Variants in UBE2V1 observed in about 807,000 individuals in gnomAD.
UBE2V1 encodes ubiquitin-conjugating enzyme E2 variant 1.
Under a neutral mutation model 19.6 loss-of-function variants are expected in UBE2V1, and 15 were observed. That is an observed-to-expected ratio of 0.77 (90% CI 0.51 to 1.18). The LOEUF (loss-of-function observed/expected upper bound fraction) is 1.18, where lower values mean the gene tolerates loss of function less well. Ranked by LOEUF, UBE2V1 falls within the 50% of genes most tolerant of loss-of-function variation. UBE2V1 has a pLI of 0.00. For missense variants in UBE2V1, 125 were observed against 184.8 expected, an observed-to-expected ratio of 0.68 and a Z score of 1.88; for synonymous variants, 60 against 60.7, an observed-to-expected ratio of 0.99 and a Z score of 0.05.
chr20:50,111,358 G>T, intron 1 of UBE2V1: 1 of 999,078 alleles, frequency 1.0e-6, no homozygotes. Context: ...GTAGCCAACC[G>T]AGTGACTGCA....
chr20:50,109,010 T>A (rs543821812), intron 1 of UBE2V1: 1 of 985,170 alleles, frequency 1.0e-6, no homozygotes. Context: ...GGAACAGGAG[T>A]TAAAAATGCC....
chr20:50,109,036 G>A, intron 1 of UBE2V1: 1 of 985,422 alleles, frequency 1.0e-6, no homozygotes, highest in African/African-American at 1.7e-5. Flanking sequence ...TCTAGTCCGA[G>A]CATCACCAGT....
upstream of UBE2V1, chr20:50,115,416 C>A (rs2080981569): frequency 1.4e-6 from 2 of 1,419,422 alleles, no homozygotes; most frequent in South Asian, 1.6e-5. Context: ...AAATACTTGC[C>A]CTGGACTTGG....
chr20:50,115,471 T>C (rs2080982920), upstream of UBE2V1: 2 of 1,556,822 alleles, frequency 1.3e-6, no homozygotes, highest in East Asian at 2.3e-5. Flanking sequence ...TTTGGGTTCC[T>C]AAGGTGGACT....
chr20:50,100,285 TAAA>T (rs34807999), intron 1 of UBE2V1, among the ~76,000 whole-genome samples: 13 of 122,152 alleles, frequency 1.1e-4, no homozygotes, highest in African/African-American at 1.5e-4. Context: ...TGTCTCTATT[TAAA>T]AAAAAAAAAA....
upstream of UBE2V1, chr20:50,115,470 C>T: frequency 6.4e-7 from 1 of 1,555,004 alleles, no homozygotes; most frequent in Non-Finnish European, 8.8e-7. Context: ...ATTTGGGTTC[C>T]TAAGGTGGAC....
intron 1 of UBE2V1, among the ~76,000 whole-genome samples, chr20:50,098,334 G>C (rs2079768241): frequency 1.3e-5 from 2 of 152,180 alleles, no homozygotes; most frequent in Admixed American, 1.3e-4. Flanking sequence ...GGAGATTAAG[G>C]ATGCCAACTG....
rs753058104 is a variant in UBE2V1 at position 50,084,180 on chromosome 20, T to C, written c.246A>G (p.Val82=). 5.6e-6 allele frequency: 9 copies of C among 1,609,028 alleles called. No homozygotes were observed. Among genetic ancestry groups the C allele is most frequent in the Admixed American group, 1.7e-5 (1 of 58,500 alleles). The change falls in exon 3 of 4, where the codon GTA becomes GTG. Residue 82 remains valine, a synonymous_variant. Coordinates refer to ENST00000371674, the MANE Select transcript of UBE2V1 (RefSeq NM_001032288.3). The part of the protein sequence containing the change: ...GPKYPEAPPF[V]RFVTKINMNG... Reference sequence around the variant, plus strand: ...TCATATTAATTTTTGTTACAAATCTTACAAAGGGGGGTGCTTCTGGGTATT... The same window carrying C: ...TCATATTAATTTTTGTTACAAATCTCACAAAGGGGGGTGCTTCTGGGTATT...
intron 1 of UBE2V1, among the ~76,000 whole-genome samples, chr20:50,104,161 A>G (rs1352579659): frequency 6.7e-6 from 1 of 149,532 alleles, no homozygotes; most frequent in African/African-American, 2.5e-5. Context: ...GCGCGCCTGT[A>G]ATCCCAGCTA....
chr20:50,084,105 A>G, intron 3 of UBE2V1, 24 bp downstream of exon 3: 1 of 1,553,908 alleles, frequency 6.4e-7, no homozygotes, highest in Non-Finnish European at 8.7e-7. Context: ...CCAAGGAACA[A>G]GTGGGACAGA....
Position 50,113,109 on chromosome 20 carries a change from G to C in UBE2V1, c.20C>G (p.Ser7Trp), listed in dbSNP as rs1427484612. ...CCGGGCCCGGCGCCCCCGCTCACCC[G>C]AGCCCGTGGTGGCTGCCATCTTGCG... MAATTG[S>W]GVKVPRNFRL... The change falls in exon 1 of 4, where the codon TCG becomes TGG. Residue 7 changes from serine to tryptophan, a missense_variant and splice_region_variant. Physicochemically the swap from Ser to Trp is radical, Grantham distance 177. Transcript: ENST00000371674. 9 of 1,333,700 alleles carry C rather than the reference G, an allele frequency of 6.7e-6. No individual in the cohort carries two copies. The highest frequency in any genetic ancestry group is 8.8e-6 in the Non-Finnish European group (9 of 1,023,136). The allele number at this position is 1,333,700 out of a possible 1,614,324, so 82.6% of individuals were successfully genotyped here.
chr20:50,085,255 C>T (rs1568968972), intron 2 of UBE2V1, among the ~76,000 whole-genome samples: 1 of 152,124 alleles, frequency 6.6e-6, no homozygotes, highest in Admixed American at 6.5e-5. Flanking sequence ...GTCCAACCCC[C>T]TATGCCAATA....
intron 1 of UBE2V1, among the ~76,000 whole-genome samples, chr20:50,106,874 C>CA (rs57532245): frequency 0.075 from 9,289 of 124,564 alleles, 650 homozygotes; most frequent in African/African-American, 0.19. Context: ...ACAACAACAA[C>CA]AAAAAAAAAA....
intron 2 of UBE2V1, among the ~76,000 whole-genome samples, chr20:50,086,312 C>A (rs1235786215): frequency 2.0e-5 from 3 of 152,174 alleles, no homozygotes; most frequent in African/African-American, 7.2e-5. Context: ...ATGCATCAGA[C>A]ACCCTCACTA....
rs2078684244 is a variant in UBE2V1, at chr20:50,082,468, GC to G, written c.*299del. 3.0e-6 allele frequency: 1 copy of G among 328,214 alleles called. No homozygotes were observed. The highest frequency in any genetic ancestry group is 5.6e-6 in the Non-Finnish European group (1 of 179,366). 20.3% of individuals were successfully genotyped at this position (328,214 alleles called of 1,614,324 possible). On this transcript the variant is annotated 3_prime_UTR_variant, in exon 4 of 4. Coordinates refer to ENST00000371674, the MANE Select transcript of UBE2V1 (RefSeq NM_001032288.3). ...GTCTTTTCACAGTTGAGTTAGATGTGCCCCACCAGTTATGATGGGAATCAAT... is the reference window on the plus strand; with the variant it reads ...GTCTTTTCACAGTTGAGTTAGATGTGCCCACCAGTTATGATGGGAATCAAT...
chr20:50,091,409 G>GTTTT lies in UBE2V1; in HGVS notation c.171+5262_171+5263insAAAA, dbSNP rs1568981475. On this transcript the variant is annotated intron_variant, in intron 2 of 3. Transcript: ENST00000371674. ...TCATTAATCAGTCATATAACTTAAGGCTTTTTTTTTTTTTTTTTTGAGATG... is the reference window on the plus strand; with the variant it reads ...TCATTAATCAGTCATATAACTTAAGGTTTTCTTTTTTTTTTTTTTTTTTGAGATG... Among the ~76,000 whole-genome samples the GTTTT allele has an allele frequency of 3.5e-4, 45 of 128,214 alleles. 1 individual carries two copies. The highest frequency in any genetic ancestry group is 1.4e-3 in the African/African-American group (43 of 29,836). 84.1% of individuals were successfully genotyped at this position (128,214 alleles called of 152,430 possible).
Position 50,082,771 on chromosome 20 carries a change from A to G in UBE2V1, c.441T>C (p.Asn147=). Residue 147 remains asparagine (N), a synonymous_variant, in exon 4 of 4, where the codon AAT becomes AAC. Coordinates refer to ENST00000371674, the MANE Select transcript of UBE2V1 (RefSeq NM_001032288.3). Reference sequence around the variant, plus strand: ...GGCCTGTGGTTTTTCTTTTTGATTAATTGCTGTAACACTGTCCTTCGGGCG... The same window carrying G: ...GGCCTGTGGTTTTTCTTTTTGATTAGTTGCTGTAACACTGTCCTTCGGGCG... ...PQPPEGQCYS[N] 6.2e-7 allele frequency: 1 copy of G among 1,610,672 alleles called. No homozygotes were observed. The highest frequency in any genetic ancestry group is 1.1e-5 in the South Asian group (1 of 90,762).
intron 2 of UBE2V1, 195 bp downstream of exon 2, chr20:50,096,477 G>C: frequency 7.0e-7 from 1 of 1,429,802 alleles, no homozygotes; most frequent in Non-Finnish European, 9.4e-7. Flanking sequence ...ACAGGTTTTT[G>C]CTTACCATTT....
chr20:50,090,961 A>G (rs186169109), intron 2 of UBE2V1, among the ~76,000 whole-genome samples: 1 of 152,334 alleles, frequency 6.6e-6, no homozygotes, highest in East Asian at 1.9e-4. Context: ...GAAAAAAATT[A>G]GCTGGTATGA....
Sources: gnomAD v4.1 joint callset for allele counts (sites outside exome capture counted in the v4.1 genomes callset) on GRCh38, gnomAD v4.1.1 for gene constraint, MANE v1.5 for transcripts, NCBI Gene and HGNC (gene_info 2026-07-23, HGNC 2026-07-21) for gene names.